Variants in CNTNAP4 observed in about 807,000 individuals in gnomAD.
CNTNAP4 encodes contactin-associated protein-like 4.
Under a neutral mutation model 148.4 loss-of-function variants are expected in CNTNAP4, and 98 were observed. The observed-to-expected ratio is 0.66, with a 90% CI of 0.56 to 0.78. The LOEUF (loss-of-function observed/expected upper bound fraction) is 0.78. Among genes scored for constraint, CNTNAP4 ranks in the 30% least tolerant of loss-of-function variants. The pLI is 0.00. For synonymous variants in CNTNAP4, 730 were observed against 565.1 expected (o/e 1.29, Z -4.14); for missense variants, 1,935 against 1,565.6 (o/e 1.24, Z -3.98).
chr16:76,318,761 A>C (rs960110523), intron 2 of CNTNAP4, among the ~76,000 whole-genome samples: 1 of 136,378 alleles, frequency 7.3e-6, no homozygotes, highest in Non-Finnish European at 1.5e-5. Flanking sequence ...AATAATATTC[A>C]TAATAATAAT....
At chr16:76,454,111 C>CTTTTTTT (rs11302612) in intron 8 of CNTNAP4, among the ~76,000 whole-genome samples, 3 of 130,096 alleles carry the variant, frequency 2.3e-5, no homozygotes, top group Admixed American at 7.9e-5. Flanking sequence ...CTATTTCTTT[C>CTTTTTTT]TTTTTTTTTT....
chr16:76,402,555 T>A (rs1202459283), intron 3 of CNTNAP4, among the ~76,000 whole-genome samples: 1 of 152,214 alleles, frequency 6.6e-6, no homozygotes, highest in Non-Finnish European at 1.5e-5. Flanking sequence ...TTGATTTCCT[T>A]CAGTTTAGCT....
intron 15 of CNTNAP4, among the ~76,000 whole-genome samples, chr16:76,502,718 G>A (rs2082698486): frequency 6.6e-6 from 1 of 152,060 alleles, no homozygotes; most frequent in South Asian, 2.1e-4. Context: ...AAGATTGAGA[G>A]TTAAAGCCTT....
At chr16:76,443,123 A>C (rs1210984487) in intron 4 of CNTNAP4, among the ~76,000 whole-genome samples, 1 of 152,076 alleles carries the variant, frequency 6.6e-6, no homozygotes, top group Non-Finnish European at 1.5e-5. Flanking sequence ...TAAAATATAG[A>C]ATGTAAAATA....
intron 3 of CNTNAP4, among the ~76,000 whole-genome samples, chr16:76,394,903 T>C (rs2078142780): frequency 6.6e-6 from 1 of 152,176 alleles, no homozygotes. Flanking sequence ...TAACAGGTCA[T>C]AGGTCCTGTT....
At chr16:76,383,763 TATG>T (rs2016234908) in intron 3 of CNTNAP4, among the ~76,000 whole-genome samples, 1 of 152,160 alleles carries the variant, frequency 6.6e-6, no homozygotes, top group Non-Finnish European at 1.5e-5. Context: ...CATGAAATAA[TATG>T]ATGTCTGGGA....
At chr16:76,555,241 G>A (rs1014176385) in intron 23 of CNTNAP4, among the ~76,000 whole-genome samples, 9 of 151,944 alleles carry the variant, frequency 5.9e-5, no homozygotes, top group Non-Finnish European at 8.8e-5. Context: ...TCTTTGTGTG[G>A]ATATTAACTC....
chr16:76,344,563 T>C (rs1028750811), intron 2 of CNTNAP4, among the ~76,000 whole-genome samples: 10 of 152,242 alleles, frequency 6.6e-5, no homozygotes, highest in Admixed American at 6.5e-4. Flanking sequence ...GATACTGTTT[T>C]CTTAGGCCAG....
chr16:76,425,345 C>G (rs1466210192), intron 3 of CNTNAP4, among the ~76,000 whole-genome samples: 1 of 152,096 alleles, frequency 6.6e-6, no homozygotes, highest in Non-Finnish European at 1.5e-5. Flanking sequence ...TTGAGACATC[C>G]GTTGAACTTT....
Position 76,301,090 on chromosome 16 carries a change from A to G in CNTNAP4, c.86-15323A>G, listed in dbSNP as rs865884467. Among the ~76,000 whole-genome samples, 15 of 152,220 alleles carry G rather than the reference A, an allele frequency of 9.9e-5. No homozygotes were observed. In the South Asian group the frequency reaches 1.7e-3, roughly 17 times the overall value. On this transcript the variant is annotated intron_variant, in intron 1 of 23. Transcript: ENST00000611870. ...AGACATGAAAACAAAGAAAAACTAT[A>G]CCATAGTCTTCATAATTCCAGGAAA...
At chr16:76,461,838 A>G in intron 8 of CNTNAP4, 118 bp from the exon 9 acceptor site, 2 of 753,516 alleles carry the variant, frequency 2.7e-6, no homozygotes, top group Non-Finnish European at 4.2e-6. Flanking sequence ...CATTGTTTTT[A>G]ATTAATAATA....
Position 76,507,316 on chromosome 16 carries a change from ATTCT to A in CNTNAP4, c.2365+8627_2365+8630del, listed in dbSNP as rs2082869026. Among the ~76,000 whole-genome samples, 2 of 97,234 alleles carry A rather than the reference ATTCT, an allele frequency of 2.1e-5. 1 individual carries two copies. Among genetic ancestry groups the A allele is most frequent in the Non-Finnish European group, 5.8e-5 (2 of 34,232 alleles). 63.8% of individuals were successfully genotyped at this position (97,234 alleles called of 152,430 possible). On this transcript the variant is annotated intron_variant, in intron 15 of 23. Coordinates refer to ENST00000611870, the MANE Select transcript of CNTNAP4 (RefSeq NM_033401.5). ...GTTTTGTCGTCAAATACAAGGTCTT[ATTCT>A]TTCTAACTATTTTTCTGTACCCATT...
intron 10 of CNTNAP4, among the ~76,000 whole-genome samples, chr16:76,469,157 G>A (rs982608113): frequency 6.6e-6 from 1 of 152,146 alleles, no homozygotes; most frequent in Admixed American, 6.6e-5. Flanking sequence ...AGCAATAAGA[G>A]TGGCAGGACA....
At position 76,355,295 on chromosome 16, in the gene CNTNAP4, CCT is replaced by C. The variant is rs773885215; in HGVS notation, c.197-22_197-21del. On this transcript the variant is annotated intron_variant, in intron 2 of 23. Coordinates refer to ENST00000611870, the MANE Select transcript of CNTNAP4 (RefSeq NM_033401.5). ...ACTAACTTTCCTTTCTCAATTTTCT[CCT>C]GTTTCTATTTTTAATAAAAGGAGCT... The C allele has an allele frequency of 4.7e-6, 7 of 1,483,448 alleles. No individual in the cohort carries two copies. In the South Asian group the frequency reaches 9.7e-5, roughly 21 times the overall value. The allele number at this position is 1,483,448 out of a possible 1,614,324, so 91.9% of individuals were successfully genotyped here. A position where few individuals can be genotyped will look rare whatever the true frequency, so the allele number is the denominator to read the frequency against.
At chr16:76,522,776 C>CTTTTT (rs146242468) in intron 17 of CNTNAP4, among the ~76,000 whole-genome samples, 1 of 78,774 alleles carries the variant, frequency 1.3e-5, no homozygotes, top group Non-Finnish European at 2.9e-5. Context: ...CTTTTCTTTT[C>CTTTTT]TTTCTTGACA....
At chr16:76,548,507 C>T (rs999774917) in intron 21 of CNTNAP4, among the ~76,000 whole-genome samples, 9 of 151,734 alleles carry the variant, frequency 5.9e-5, no homozygotes, top group Non-Finnish European at 7.4e-5. Context: ...AAAAAACAGT[C>T]GTTTCTCTGT....
At chr16:76,325,951 C>G (rs1036395228) in intron 2 of CNTNAP4, among the ~76,000 whole-genome samples, 3 of 152,012 alleles carry the variant, frequency 2.0e-5, no homozygotes, top group Non-Finnish European at 4.4e-5. Context: ...AAATATTTCT[C>G]TACCTGTAAG....
chr16:76,446,315 C>G (rs914266678), intron 4 of CNTNAP4, among the ~76,000 whole-genome samples: 1 of 152,062 alleles, frequency 6.6e-6, no homozygotes, highest in Non-Finnish European at 1.5e-5. Flanking sequence ...GTTGAAAAAT[C>G]GCTTCATATT....
intron 3 of CNTNAP4, among the ~76,000 whole-genome samples, chr16:76,370,866 A>C (rs1247951816): frequency 6.6e-6 from 1 of 152,172 alleles, no homozygotes; most frequent in Admixed American, 6.5e-5. Context: ...ATTGAGATTT[A>C]AGATAAGTTT....
Sources: allele counts gnomAD v4.1 joint callset (sites outside exome capture counted in the v4.1 genomes callset), GRCh38; gene constraint gnomAD v4.1.1; transcripts MANE v1.5; gene names NCBI Gene and HGNC (gene_info 2026-07-23, HGNC 2026-07-21).